KDM4B: variants seen among roughly 807,000 people sequenced by gnomAD.
The protein encoded by KDM4B is lysine-specific demethylase 4B.
In KDM4B, 32 loss-of-function variants were observed where a neutral mutation model predicts 125.2. The observed-to-expected ratio is 0.26, with a 90% CI of 0.19 to 0.34. The LOEUF is 0.34. Ranked by LOEUF, KDM4B falls within the 10% of genes least tolerant of loss-of-function variation. The pLI is 1.00. For missense variants in KDM4B, 1,190 were observed against 1,577.7 expected (o/e 0.75, Z 4.16); for synonymous variants, 721 against 677.9 (o/e 1.06, Z -0.99).
chr19:4,992,600 A>G (rs934536558), intron 1 of KDM4B, among the ~76,000 whole-genome samples: 8 of 152,102 alleles, frequency 5.3e-5, no homozygotes, highest in Admixed American at 5.2e-4. Flanking sequence ...GGCATGTGCT[A>G]CTATCCCTGG....
intron 1 of KDM4B, among the ~76,000 whole-genome samples, chr19:5,015,288 C>G (rs2035858038): frequency 6.6e-6 from 1 of 152,036 alleles, no homozygotes; most frequent in Non-Finnish European, 1.5e-5. Flanking sequence ...TGCTCTGTCA[C>G]CCAGGTTGGA....
chr19:5,088,484 G>T (rs1026003920), intron 9 of KDM4B, among the ~76,000 whole-genome samples: 1 of 152,330 alleles, frequency 6.6e-6, no homozygotes, highest in Non-Finnish European at 1.5e-5. Context: ...CTTCCATCTA[G>T]AGCAGAGGTC....
chr19:5,023,931 T>A (rs1599439029), intron 2 of KDM4B, among the ~76,000 whole-genome samples: 1 of 151,940 alleles, frequency 6.6e-6, no homozygotes, highest in Admixed American at 6.6e-5. Flanking sequence ...ATTTTTAAAT[T>A]TTTTGTAGAG....
At chr19:5,003,229 C>T (rs1045018599) in intron 1 of KDM4B, among the ~76,000 whole-genome samples, 11 of 152,148 alleles carry the variant, frequency 7.2e-5, no homozygotes, top group South Asian at 6.2e-4. Context: ...TGGTGGCTCA[C>T]GCCTGTGATC....
chr19:5,113,978 C>G, intron 10 of KDM4B: 5 of 1,243,182 alleles, frequency 4.0e-6, no homozygotes, highest in Non-Finnish European at 5.2e-6. Flanking sequence ...GGGTCTCTTC[C>G]AGAACTAAAT....
chr19:5,092,996 G>A (rs1383760217), intron 9 of KDM4B, among the ~76,000 whole-genome samples: 1 of 152,224 alleles, frequency 6.6e-6, no homozygotes, highest in East Asian at 1.9e-4. Context: ...TGGGGCCTGT[G>A]GTTCATACCT....
chr19:5,047,041 C>A (rs1455158032), intron 5 of KDM4B: 1 of 157,816 alleles, frequency 6.3e-6, no homozygotes, highest in East Asian at 1.9e-4. Flanking sequence ...TGCCTGCAGC[C>A]CCAGCGCTTG....
intron 2 of KDM4B, among the ~76,000 whole-genome samples, chr19:5,031,004 A>G (rs1333326422): frequency 6.6e-6 from 1 of 152,200 alleles, no homozygotes; most frequent in Admixed American, 6.5e-5. Flanking sequence ...GGCAGCTCCC[A>G]TCGTGGCTAC....
chr19:4,994,343 G>A lies in KDM4B; in HGVS notation c.-108-21914G>A, dbSNP rs561446308. On this transcript the variant is annotated intron_variant, in intron 1 of 22. Coordinates refer to ENST00000159111, the MANE Select transcript of KDM4B (RefSeq NM_015015.3). ...TCTCAGCACTTTGGGAGGCCGAGGC[G>A]GGTGGATCACCTGAGGTTGGGAGTT... Among the ~76,000 whole-genome samples, 6 of 151,758 alleles carry A rather than the reference G, an allele frequency of 4.0e-5. No individual in the cohort carries two copies. In the East Asian group the frequency reaches 7.8e-4, roughly 20 times the overall value.
At chr19:4,980,149 A>G (rs1470260889) in intron 1 of KDM4B, among the ~76,000 whole-genome samples, 3 of 152,062 alleles carry the variant, frequency 2.0e-5, no homozygotes, top group Non-Finnish European at 4.4e-5. Context: ...ACATTGACAC[A>G]GTTGTGCAAC....
rs770203023 is a variant in KDM4B at position 5,133,867 on chromosome 19, C to A, written c.1907-16C>A. ...GGGCTCAAGTGTCTCTCTCCCTCTC[C>A]CCTCTGTTCTTCTAGAGGCATCCCC... is the stretch of plus-strand genomic sequence containing the variant. On this transcript the variant is annotated splice_polypyrimidine_tract_variant and intron_variant, in intron 13 of 22. Transcript: ENST00000159111. 3.7e-6 allele frequency: 6 copies of A among 1,610,906 alleles called. No homozygotes were observed. The South Asian group carries it at 6.6e-5, about 18-fold the overall frequency.
rs2036606989 is a variant in KDM4B, at chr19:5,035,886, C to CGT, written c.141+2856_141+2857insTG. Reference sequence around the variant, plus strand: ...CTCTGTGTGTGTGTGTGTGTGCGCGCGCGCGCGCGCCTGCGCGCACAGGAG... The same window carrying CGT: ...CTCTGTGTGTGTGTGTGTGTGCGCGCGTGCGCGCGCGCCTGCGCGCACAGGAG... On this transcript the variant is annotated intron_variant, in intron 3 of 22. Transcript: ENST00000159111. This position sits in a 1 kb window ranked among gnomAD's most constrained non-coding sequence, Gnocchi z 5.3. Among the ~76,000 whole-genome samples, 1 of 85,386 alleles carries CGT rather than the reference C, an allele frequency of 1.2e-5. No individual in the cohort carries two copies. Among genetic ancestry groups the CGT allele is most frequent in the South Asian group, 3.0e-4 (1 of 3,282 alleles). 56.0% of individuals were successfully genotyped at this position (85,386 alleles called of 152,430 possible).
intron 2 of KDM4B, 143 bp from the exon 3 acceptor site, chr19:5,032,723 C>A: frequency 1.5e-6 from 1 of 680,650 alleles, no homozygotes; most frequent in East Asian, 2.8e-5. Flanking sequence ...CTCTTCTGCC[C>A]TCACTCAGCC....
intron 2 of KDM4B, among the ~76,000 whole-genome samples, chr19:5,023,397 C>G (rs1419408738): frequency 1.3e-5 from 2 of 152,204 alleles, no homozygotes; most frequent in Non-Finnish European, 2.9e-5. Context: ...AGGCCACATG[C>G]CCGGGGCTGG....
At position 5,137,407 on chromosome 19, in the gene KDM4B, G is replaced by C. The variant is rs924542546; in HGVS notation, c.2385+69G>C. ...GGCCCCGGCCCCACTCCAGTGGGGT[G>C]ACTTTGGGGCGTAGTCTCCCCTCCG... On this transcript the variant is annotated intron_variant, in intron 16 of 22. Transcript: ENST00000159111. 3 of 1,429,180 alleles carry C rather than the reference G, an allele frequency of 2.1e-6. No homozygotes were observed. The Admixed American group carries it at 6.0e-5, about 28-fold the overall frequency. The allele number at this position is 1,429,180 out of a possible 1,614,324, so 88.5% of individuals were successfully genotyped here.
chr19:5,143,339 C>G (rs1267584500), intron 18 of KDM4B, among the ~76,000 whole-genome samples: 2 of 151,924 alleles, frequency 1.3e-5, no homozygotes, highest in African/African-American at 4.8e-5. Context: ...AGAAAAAATC[C>G]TTCACTCTAA....
intron 3 of KDM4B, among the ~76,000 whole-genome samples, chr19:5,039,071 G>A (rs1458433930): frequency 6.6e-6 from 1 of 152,232 alleles, no homozygotes; most frequent in African/African-American, 2.4e-5. Flanking sequence ...GGTAGCCAGT[G>A]GGTGCAGTTC....
At chr19:5,119,111 AT>A in intron 10 of KDM4B, 1 of 1,513,534 alleles carries the variant, frequency 6.6e-7, no homozygotes, top group Non-Finnish European at 8.9e-7. Context: ...TGAAATTTAC[AT>A]TCTAGACAAA....
intron 5 of KDM4B, among the ~76,000 whole-genome samples, chr19:5,043,766 T>G: frequency 9.3e-6 from 1 of 108,032 alleles, no homozygotes; most frequent in Non-Finnish European, 1.9e-5. Flanking sequence ...GTATCCCGCG[T>G]GGTGGTTATC....
Sources: gnomAD v4.1 joint callset for allele counts (sites outside exome capture counted in the v4.1 genomes callset) on GRCh38, gnomAD v4.1.1 for gene constraint, Gnocchi (gnomAD v3.1) non-coding constraint, MANE v1.5 for transcripts, NCBI Gene and HGNC (gene_info 2026-07-23, HGNC 2026-07-21) for gene names.